The following RANBP2 variants were observed in gnomAD, a reference collection of about 807,000 sequenced individuals.
RANBP2 encodes the protein E3 SUMO-protein ligase RanBP2.
Under a neutral mutation model 303.6 loss-of-function variants are expected in RANBP2, and 57 were observed. The ratio of observed to expected loss-of-function variants is 0.19; its 90% confidence interval spans 0.15 to 0.23. The LOEUF is 0.23. RANBP2 is among the 10% of genes least tolerant of loss of function. The probability of loss-of-function intolerance (pLI) is 1.00; values close to 1 mark genes in which losing one functional copy is unlikely to be tolerated. For missense variants in RANBP2, 3,138 were observed against 3,780.8 expected (o/e 0.83, Z 4.46); for synonymous variants, 1,167 against 1,301.5 (o/e 0.90, Z 2.23).
At chr2:108,926,902 T>A in the RANBP2 span, among the ~76,000 whole-genome samples, 3 of 152,126 alleles carry the variant, frequency 2.0e-5, no homozygotes, top group Non-Finnish European at 2.9e-5. Flanking sequence ...CTGCCAAGAC[T>A]CCTGTGATCC....
chr2:108,911,233 C>T, the RANBP2 span, among the ~76,000 whole-genome samples: 21 of 152,186 alleles, frequency 1.4e-4, no homozygotes, highest in Non-Finnish European at 1.2e-4. Flanking sequence ...AAATCCTCCG[C>T]GCTGGTTTTG....
the RANBP2 span, among the ~76,000 whole-genome samples, chr2:109,459,191 G>A: frequency 1.3e-5 from 2 of 152,108 alleles, no homozygotes; most frequent in Middle Eastern, 3.4e-3. Context: ...TATATTACAT[G>A]GTGAGATAAG....
chr2:108,871,365 T>C, the RANBP2 span, among the ~76,000 whole-genome samples: 547 of 73,432 alleles, frequency 7.4e-3, 5 homozygotes, highest in Middle Eastern at 0.052. Context: ...AAACCCCAAC[T>C]CTATTAAAAA....
chr2:108,813,848 G>T, the RANBP2 span, among the ~76,000 whole-genome samples: 45 of 152,216 alleles, frequency 3.0e-4, no homozygotes, highest in African/African-American at 9.6e-4. Flanking sequence ...TGAGACATTT[G>T]GTCAGTGGAA....
At chr2:109,680,395 T>A in the RANBP2 span, among the ~76,000 whole-genome samples, 1 of 150,314 alleles carries the variant, frequency 6.7e-6, no homozygotes, top group Non-Finnish European at 1.5e-5. Flanking sequence ...AAAAAAAATT[T>A]AAAAAAAGAT....
At chr2:109,100,980 G>A in the RANBP2 span, among the ~76,000 whole-genome samples, 7 of 152,274 alleles carry the variant, frequency 4.6e-5, no homozygotes, top group East Asian at 5.8e-4. Context: ...GCAATATCAC[G>A]ATGGGAGAAG....
the RANBP2 span, among the ~76,000 whole-genome samples, chr2:109,767,252 A>G: frequency 6.7e-6 from 1 of 148,424 alleles, no homozygotes; most frequent in South Asian, 2.3e-4. Flanking sequence ...TCAGCAGTCC[A>G]TGCGGTGCAG....
At chr2:109,464,600 A>G in the RANBP2 span, among the ~76,000 whole-genome samples, 1 of 152,212 alleles carries the variant, frequency 6.6e-6, no homozygotes, top group African/African-American at 2.4e-5. Context: ...TTCCTCTTCT[A>G]AAAATAGCCC....
chr2:109,626,819 G>A, the RANBP2 span, among the ~76,000 whole-genome samples: 3 of 152,184 alleles, frequency 2.0e-5, no homozygotes, highest in Non-Finnish European at 2.9e-5. Context: ...TTCTGCCATC[G>A]TCACTCCTGC....
At chr2:109,020,902 CAG>C in the RANBP2 span, among the ~76,000 whole-genome samples, 2 of 152,178 alleles carry the variant, frequency 1.3e-5, no homozygotes, top group South Asian at 2.1e-4. Context: ...CAGAAATGCT[CAG>C]ACCAAGGCTG....
chr2:109,267,640 A>T, the RANBP2 span, among the ~76,000 whole-genome samples: 2,211 of 152,012 alleles, frequency 0.015, 43 homozygotes, highest in African/African-American at 0.051. Context: ...CAGGGGAGCC[A>T]CTCCCAGCTG....
At chr2:109,620,861 G>A in the RANBP2 span, among the ~76,000 whole-genome samples, 5 of 152,176 alleles carry the variant, frequency 3.3e-5, no homozygotes, top group East Asian at 1.9e-4. Flanking sequence ...ATAGGGAAAT[G>A]AAGTTTAGTT....
chr2:108,927,412 G>A, the RANBP2 span, among the ~76,000 whole-genome samples: 1 of 152,310 alleles, frequency 6.6e-6, no homozygotes, highest in Middle Eastern at 3.4e-3. Context: ...TAGAGGCAGG[G>A]AGCTCACCAC....
chr2:108,802,423 C>G, the RANBP2 span, among the ~76,000 whole-genome samples: 1 of 141,536 alleles, frequency 7.1e-6, no homozygotes, highest in African/African-American at 2.9e-5. Flanking sequence ...TGATGTGGCT[C>G]TCTGTTTGTC....
the RANBP2 span, among the ~76,000 whole-genome samples, chr2:109,540,662 G>GAA: frequency 1.9e-4 from 26 of 137,406 alleles, no homozygotes; most frequent in African/African-American, 6.1e-4. Context: ...ACCAAAAAAG[G>GAA]AAAAAAAAAA....
chr2:109,028,106 C>CA, the RANBP2 span, among the ~76,000 whole-genome samples: 5 of 151,924 alleles, frequency 3.3e-5, no homozygotes, highest in Non-Finnish European at 5.9e-5. Flanking sequence ...CCTGTCTCTA[C>CA]AAAAAATGCA....
the RANBP2 span, among the ~76,000 whole-genome samples, chr2:109,196,747 C>T: frequency 1.3e-5 from 2 of 152,150 alleles, no homozygotes; most frequent in African/African-American, 2.4e-5. Flanking sequence ...CCACATGCCC[C>T]GTGGCCTTCT....
chr2:108,766,480 T>A lies in RANBP2; in HGVS notation c.5941T>A (p.Ser1981Thr), dbSNP rs61748150. The change falls in exon 20 of 29, where the codon TCA becomes ACA. Residue 1981 changes from serine (S) to threonine (T), a missense_variant. This residue lies in a region of RANBP2 where 348 missense variants were observed against 360.4 expected (regional missense o/e 0.97). Coordinates refer to ENST00000283195, the MANE Select transcript of RANBP2 (RefSeq NM_006267.5). ...AGGTGCTGGAGAAAAATTATTCTCA[T>A]CACAATACGGTAAAATGGCCAATAA... ...FSGAGEKLFS[S>T]QYGKMANKAN... 0.012 allele frequency: 19,643 copies of A among 1,611,950 alleles called. 148 individuals are homozygous for A. Among genetic ancestry groups the A allele is most frequent in the Non-Finnish European group, 0.015 (17,623 of 1,179,840 alleles).
At chr2:109,319,664 C>T in the RANBP2 span, among the ~76,000 whole-genome samples, 1 of 152,220 alleles carries the variant, frequency 6.6e-6, no homozygotes, top group African/African-American at 2.4e-5. Context: ...TCATCTCCTC[C>T]TCTCTTTTTA....
Sources: allele counts gnomAD v4.1 joint callset (sites outside exome capture counted in the v4.1 genomes callset), GRCh38; gene constraint gnomAD v4.1.1; regional missense constraint gnomAD v4.1.1; transcripts MANE v1.5; gene names NCBI Gene and HGNC (gene_info 2026-07-23, HGNC 2026-07-21).